BARD1: variants seen among roughly 807,000 people sequenced by gnomAD.
BARD1 encodes the protein BRCA1-associated RING domain protein 1.
Under a neutral mutation model 77.0 loss-of-function variants are expected in BARD1, and 73 were observed. That is an observed-to-expected ratio of 0.95 (90% CI 0.79 to 1.15). BARD1 has a LOEUF of 1.15. Among genes scored for constraint, BARD1 ranks in the 50% most tolerant of loss-of-function variants. BARD1 has a pLI of 0.00. For missense variants in BARD1, 993 were observed against 938.8 expected (o/e 1.06, Z -0.75); for synonymous variants, 384 against 338.0 (o/e 1.14, Z -1.49).
In BARD1 at chr2:214,728,536, A is replaced by AAT; in HGVS notation, c.*139_*140insAT. On this transcript the variant is annotated 3_prime_UTR_variant, in exon 11 of 11. Transcript: ENST00000260947. Reference sequence around the variant, plus strand: ...ACATGAATTCCTAATCTGGCATTAGACTTTTTTTTTTTTTTTGATTCAAAG... The same window carrying AAT: ...ACATGAATTCCTAATCTGGCATTAGAATCTTTTTTTTTTTTTTTGATTCAAAG... 2 of 625,186 alleles carry AAT rather than the reference A, an allele frequency of 3.2e-6. No individual in the cohort carries two copies. Among genetic ancestry groups the AAT allele is most frequent in the South Asian group, 4.2e-5 (2 of 47,948 alleles). 38.7% of individuals were successfully genotyped at this position (625,186 alleles called of 1,614,324 possible).
chr2:214,771,667 G>A (rs988742322), intron 4 of BARD1, among the ~76,000 whole-genome samples: 1 of 151,746 alleles, frequency 6.6e-6, no homozygotes, highest in Non-Finnish European at 1.5e-5. Flanking sequence ...GGCGGAGGTT[G>A]CAGTGAGTTG....
chr2:214,750,492 GTC>G (rs1170573795), intron 7 of BARD1, among the ~76,000 whole-genome samples: 1 of 152,102 alleles, frequency 6.6e-6, no homozygotes, highest in Non-Finnish European at 1.5e-5. Flanking sequence ...ATGCCTCCTT[GTC>G]TCTGAGCAGC....
chr2:214,745,625 T>A, intron 8 of BARD1, 97 bp downstream of exon 8: 1 of 1,482,024 alleles, frequency 6.7e-7, no homozygotes, highest in Non-Finnish European at 9.4e-7. Flanking sequence ...CATCTCCCAA[T>A]GGTTAAAACA....
chr2:214,730,167 T>C, intron 10 of BARD1: 1 of 514,680 alleles, frequency 1.9e-6, no homozygotes, highest in Non-Finnish European at 3.5e-6. Context: ...GAGATTTACC[T>C]CAGATTCTGA....
At chr2:214,767,724 A>ATC in intron 5 of BARD1, 70 bp from the exon 6 acceptor site, 4 of 1,391,244 alleles carry the variant, frequency 2.9e-6, no homozygotes, top group Non-Finnish European at 4.0e-6. Flanking sequence ...TTATAATATC[A>ATC]CACTTTAGAA....
intron 7 of BARD1, 140 bp from the exon 8 acceptor site, chr2:214,745,994 A>G: frequency 9.8e-7 from 1 of 1,020,736 alleles, no homozygotes; most frequent in South Asian, 1.4e-5. Context: ...CATTGAATCT[A>G]CACCCAGAAC....
At position 214,809,453 on chromosome 2, in the gene BARD1, G is replaced by T. The variant is rs786202271; in HGVS notation, c.117C>A (p.Ala39=). 1 of 1,611,572 alleles carries T rather than the reference G, an allele frequency of 6.2e-7. No homozygotes were observed. Among genetic ancestry groups the T allele is most frequent in the East Asian group, 2.2e-5 (1 of 44,814 alleles). The part of the protein sequence containing the change: ...DGRGAWAHSR[A]ALDRLEKLLR... ...GCAGCTTCTCCAGGCGGTCGAGCGC[G>T]GCGCGACTGTGGGCCCAGGCACCGC... The change falls in exon 1 of 11, where the codon GCC becomes GCA. Residue 39 remains alanine, a synonymous_variant. Transcript: ENST00000260947.
chr2:214,791,235 G>A (rs1695497524), intron 3 of BARD1, among the ~76,000 whole-genome samples: 1 of 152,148 alleles, frequency 6.6e-6, no homozygotes, highest in Non-Finnish European at 1.5e-5. Flanking sequence ...TAGGTATAAA[G>A]TGATTTAAGT....
intron 6 of BARD1, among the ~76,000 whole-genome samples, chr2:214,764,096 C>A (rs888420927): frequency 1.3e-5 from 2 of 152,178 alleles, no homozygotes; most frequent in Non-Finnish European, 2.9e-5. Flanking sequence ...ATATGGGAAA[C>A]TTGGTTTTAG....
intron 6 of BARD1, among the ~76,000 whole-genome samples, chr2:214,761,049 T>C (rs1293111563): frequency 6.7e-6 from 1 of 149,768 alleles, no homozygotes; most frequent in East Asian, 2.0e-4. Context: ...ACAGGGACTT[T>C]TTAAGGATGA....
Position 214,735,530 on chromosome 2 carries a change from A to C in BARD1, c.1904-5022T>G, listed in dbSNP as rs75324257. On this transcript the variant is annotated intron_variant, in intron 9 of 10. Transcript: ENST00000260947. ...CAGAATCCACAAACAATGAGGATTT[A>C]CTGTTTATTACTTCCAATTCAGGGG... 6.1e-3 allele frequency among the ~76,000 whole-genome samples: 922 copies of C among 152,308 alleles called. 8 individuals are homozygous for C. The highest frequency in any genetic ancestry group is 8.9e-3 in the Non-Finnish European group (602 of 68,012).
At chr2:214,805,776 A>C (rs892284061) in intron 1 of BARD1, among the ~76,000 whole-genome samples, 3 of 152,220 alleles carry the variant, frequency 2.0e-5, no homozygotes, top group Non-Finnish European at 2.9e-5. Flanking sequence ...AGAAAAAAAA[A>C]AATACCTATC....
chr2:214,789,643 G>A (rs557387984), intron 3 of BARD1, among the ~76,000 whole-genome samples: 2 of 152,116 alleles, frequency 1.3e-5, no homozygotes, highest in South Asian at 2.1e-4. Context: ...CAAACATAAT[G>A]AATACCTACA....
At chr2:214,760,491 C>T (rs1693904800) in intron 6 of BARD1, among the ~76,000 whole-genome samples, 2 of 152,134 alleles carry the variant, frequency 1.3e-5, no homozygotes, top group Non-Finnish European at 2.9e-5. Context: ...CTGCGCCAGG[C>T]CCATAACTTA....
At chr2:214,773,653 C>A (rs1309370983) in intron 4 of BARD1, among the ~76,000 whole-genome samples, 1 of 151,914 alleles carries the variant, frequency 6.6e-6, no homozygotes, top group Non-Finnish European at 1.5e-5. Flanking sequence ...AATGAACAGA[C>A]CTTAATTGAA....
chr2:214,728,776 T>C lies in BARD1; in HGVS notation c.2234A>G (p.Tyr745Cys). Residue 745 changes from tyrosine (Y) to cysteine (C), a missense_variant, in exon 11 of 11, where the codon TAT (tyrosine) becomes TGT (cysteine). Coordinates refer to ENST00000260947, the MANE Select transcript of BARD1 (RefSeq NM_000465.4). ...GCCCTGCCGAACCCTCTCTGGGTGATAATTACACAAATCTTCATAGATGAT... is the reference window on the plus strand; with the variant it reads ...GCCCTGCCGAACCCTCTCTGGGTGACAATTACACAAATCTTCATAGATGAT... Reference protein sequence around the residue: ...QYIIYEDLCNYHPERVRQGKV... With the variant: ...QYIIYEDLCNCHPERVRQGKV... 3.1e-6 allele frequency: 5 copies of C among 1,614,198 alleles called. No homozygotes were observed. The South Asian group carries it at 4.4e-5, about 14-fold the overall frequency.
chr2:214,780,716 T>C lies in BARD1; in HGVS notation c.1158A>G (p.Glu386=), dbSNP rs769665688. The part of the protein sequence containing the change: ...SGRKNSNMSD[E]FISLSPGTPP... ...GTGTACCTGGTGAAAGACTAATGAA[T>C]TCATCGGACATGTTACTGTTTTTCC... Residue 386 remains glutamate, a synonymous_variant, in exon 4 of 11, where the codon GAA becomes GAG. Coordinates refer to ENST00000260947, the MANE Select transcript of BARD1 (RefSeq NM_000465.4). 1 of 1,614,090 alleles carries C rather than the reference T, an allele frequency of 6.2e-7. No homozygotes were observed. The highest frequency in any genetic ancestry group is 8.5e-7 in the Non-Finnish European group (1 of 1,179,970).
chr2:214,741,209 G>A (rs1394812360), intron 9 of BARD1, among the ~76,000 whole-genome samples: 1 of 151,996 alleles, frequency 6.6e-6, no homozygotes, highest in African/African-American at 2.4e-5. Context: ...CTTAGGTACT[G>A]GGGAATTTTA....
At position 214,792,442 on chromosome 2, in the gene BARD1, A is replaced by G. The variant is rs1695569326; in HGVS notation, c.219T>C (p.Asn73=). The change falls in exon 3 of 11, where the codon AAT becomes AAC. Residue 73 remains asparagine, a synonymous_variant. Transcript: ENST00000260947. ...CAGTTCCAATGCAGTCACTTACACA[A>G]TTACTTTAAAATAATTAAAAAAAAA... is the stretch of plus-strand genomic sequence containing the variant. ...LGGCEHIFCS[N]CVSDCIGTGC... is the part of the protein sequence containing the mutation. 4 of 1,580,292 alleles carry G rather than the reference A, an allele frequency of 2.5e-6. No individual in the cohort carries two copies. Among genetic ancestry groups the G allele is most frequent in the Admixed American group, 1.8e-5 (1 of 54,148 alleles).
Sources: gnomAD v4.1 joint callset for allele counts (sites outside exome capture counted in the v4.1 genomes callset) on GRCh38, gnomAD v4.1.1 for gene constraint, MANE v1.5 for transcripts, NCBI Gene and HGNC (gene_info 2026-07-23, HGNC 2026-07-21) for gene names.